Variants in NKAIN3 observed in about 807,000 individuals in gnomAD.
NKAIN3 encodes sodium/potassium transporting ATPase interacting 3.
In NKAIN3, 25 loss-of-function variants were observed where a neutral mutation model predicts 30.2. The observed-to-expected ratio is 0.83, with a 90% CI of 0.60 to 1.16. NKAIN3 has a LOEUF of 1.16. Ranked by LOEUF, NKAIN3 falls within the 50% of genes most tolerant of loss-of-function variation. The probability of loss-of-function intolerance (pLI) is 0.00; values close to 1 mark genes in which losing one functional copy is unlikely to be tolerated. For missense variants in NKAIN3, 225 were observed against 254.1 expected (o/e 0.89, Z 0.78); for synonymous variants, 91 against 89.6 (o/e 1.02, Z -0.09).
intron 1 of NKAIN3, among the ~76,000 whole-genome samples, chr8:62,499,364 T>G (rs1807344828): frequency 6.6e-6 from 1 of 152,020 alleles, no homozygotes; most frequent in Admixed American, 6.6e-5. Context: ...ATTAGAGAGG[T>G]CTTTCACTGA....
chr8:62,297,713 A>G (rs1029510058), intron 1 of NKAIN3, among the ~76,000 whole-genome samples: 2 of 152,236 alleles, frequency 1.3e-5, no homozygotes, highest in South Asian at 2.1e-4. Flanking sequence ...GAACACTTTT[A>G]CACTGTTGGT....
At chr8:62,731,579 G>A (rs1233279870) in intron 3 of NKAIN3, among the ~76,000 whole-genome samples, 2 of 152,116 alleles carry the variant, frequency 1.3e-5, no homozygotes, top group Non-Finnish European at 2.9e-5. Flanking sequence ...GGCTGCTGAT[G>A]TCTCCGGGGG....
chr8:62,278,802 A>G (rs1220602634), intron 1 of NKAIN3, among the ~76,000 whole-genome samples: 1 of 152,146 alleles, frequency 6.6e-6, no homozygotes, highest in South Asian at 2.1e-4. Context: ...GGTTGGTTCC[A>G]AGTCTTTTCT....
intron 4 of NKAIN3, among the ~76,000 whole-genome samples, chr8:62,803,584 A>G (rs894894502): frequency 6.6e-6 from 1 of 152,200 alleles, no homozygotes; most frequent in Non-Finnish European, 1.5e-5. Flanking sequence ...AAGACACAAC[A>G]TACCAGAATC....
At chr8:62,689,154 A>C (rs7011949) in intron 3 of NKAIN3, among the ~76,000 whole-genome samples, 20,523 of 152,174 alleles carry the variant, frequency 0.13, 3,563 homozygotes, top group African/African-American at 0.41. Context: ...TTTAAAATTC[A>C]TTATATCTAG....
At chr8:62,665,783 G>T (rs920635839) in intron 3 of NKAIN3, among the ~76,000 whole-genome samples, 2 of 152,156 alleles carry the variant, frequency 1.3e-5, no homozygotes, top group African/African-American at 4.8e-5. Context: ...TGATGCAAAG[G>T]TGTCTATGTG....
intron 5 of NKAIN3, among the ~76,000 whole-genome samples, chr8:62,950,944 C>CT (rs71559384): frequency 0.07 from 7,079 of 100,574 alleles, 363 homozygotes; most frequent in East Asian, 0.26. Flanking sequence ...AAACAGAATC[C>CT]TTTTTTTTTT....
At chr8:62,473,260 G>A (rs1806413087) in intron 1 of NKAIN3, 1 of 152,168 alleles carries the variant, frequency 6.6e-6, no homozygotes, top group Non-Finnish European at 1.5e-5. Context: ...ACAGCAAGTT[G>A]CTTCAAATAA....
intron 3 of NKAIN3, among the ~76,000 whole-genome samples, chr8:62,602,790 T>C (rs1004054862): frequency 1.3e-5 from 2 of 152,130 alleles, no homozygotes; most frequent in South Asian, 2.1e-4. Flanking sequence ...CCTCTGCTGA[T>C]GAATCTCCAA....
intron 1 of NKAIN3, among the ~76,000 whole-genome samples, chr8:62,320,040 G>A (rs1397252242): frequency 1.3e-5 from 2 of 151,996 alleles, no homozygotes; most frequent in African/African-American, 4.8e-5. Flanking sequence ...TATATATTTA[G>A]GATAGTTAGC....
At chr8:62,352,590 A>G (rs1025987796) in intron 1 of NKAIN3, among the ~76,000 whole-genome samples, 1 of 152,210 alleles carries the variant, frequency 6.6e-6, no homozygotes, top group Non-Finnish European at 1.5e-5. Context: ...CTTCTAAAAT[A>G]GCCTTCTCCC....
intron 1 of NKAIN3, among the ~76,000 whole-genome samples, chr8:62,360,637 T>C (rs577892790): frequency 6.6e-6 from 1 of 152,182 alleles, no homozygotes; most frequent in Non-Finnish European, 1.5e-5. Context: ...CTGTCAGGTC[T>C]GCTTGATTCA....
At chr8:62,901,898 T>C (rs1821624601) in intron 4 of NKAIN3, among the ~76,000 whole-genome samples, 1 of 152,220 alleles carries the variant, frequency 6.6e-6, no homozygotes, top group East Asian at 1.9e-4. Flanking sequence ...GAGCAGCACC[T>C]GCAACAGAAA....
intron 5 of NKAIN3, among the ~76,000 whole-genome samples, chr8:62,924,649 A>G (rs1822386089): frequency 6.6e-6 from 1 of 152,118 alleles, no homozygotes; most frequent in African/African-American, 2.4e-5. Flanking sequence ...GATTGTCCAC[A>G]CCCAGTTAAT....
chr8:62,271,807 A>G (rs1812786403), intron 1 of NKAIN3, among the ~76,000 whole-genome samples: 1 of 152,170 alleles, frequency 6.6e-6, no homozygotes, highest in Admixed American at 6.6e-5. Context: ...AGAATGCTGA[A>G]ATATTTTGGT....
At chr8:62,803,996 A>G (rs538385608) in intron 4 of NKAIN3, among the ~76,000 whole-genome samples, 2 of 152,370 alleles carry the variant, frequency 1.3e-5, no homozygotes, top group African/African-American at 2.4e-5. Flanking sequence ...CTCTACACAA[A>G]TAAACTAGAA....
chr8:62,378,484 A>G (rs1817167372), intron 1 of NKAIN3, among the ~76,000 whole-genome samples: 1 of 152,214 alleles, frequency 6.6e-6, no homozygotes, highest in Admixed American at 6.5e-5. Flanking sequence ...ATCACTTCCC[A>G]TCACAGGCCT....
At chr8:62,452,065 G>C (rs1221900676) in intron 1 of NKAIN3, among the ~76,000 whole-genome samples, 1 of 152,180 alleles carries the variant, frequency 6.6e-6, no homozygotes, top group African/African-American at 2.4e-5. Context: ...TGCTCAGAGT[G>C]GCTTAGCCAA....
chr8:62,381,984 G>A (rs1003219511), intron 1 of NKAIN3, among the ~76,000 whole-genome samples: 2 of 151,950 alleles, frequency 1.3e-5, no homozygotes, highest in African/African-American at 2.4e-5. Flanking sequence ...CTGTCTTTAG[G>A]GACTGCACAG....
Sources: allele counts gnomAD v4.1 joint callset (sites outside exome capture counted in the v4.1 genomes callset), GRCh38; gene constraint gnomAD v4.1.1; transcripts MANE v1.5; gene names NCBI Gene and HGNC (gene_info 2026-07-23, HGNC 2026-07-21).